Variants in DNAAF11 observed in about 807,000 individuals in gnomAD.
DNAAF11 encodes the protein dynein axonemal assembly factor 11.
A neutral mutation model predicts 60.8 loss-of-function variants in DNAAF11; 45 were observed. That is an observed-to-expected ratio of 0.74 (90% CI 0.58 to 0.95). DNAAF11 has a LOEUF of 0.95. Among genes scored for constraint, DNAAF11 ranks in the 40% least tolerant of loss-of-function variants. DNAAF11 has a pLI of 0.00. For synonymous variants in DNAAF11, 191 were observed against 183.5 expected, an observed-to-expected ratio of 1.04 and a Z score of -0.33; for missense variants, 546 against 546.2, an observed-to-expected ratio of 1.00 and a Z score of 0.00.
intron 5 of DNAAF11, among the ~76,000 whole-genome samples, chr8:132,627,321 T>C (rs1820375602): frequency 6.6e-6 from 1 of 152,188 alleles, no homozygotes; most frequent in African/African-American, 2.4e-5. Context: ...AAGAAATTTA[T>C]CAGAGATATG....
the DNAAF11 span, among the ~76,000 whole-genome samples, chr8:132,700,327 T>C: frequency 9.9e-5 from 15 of 152,084 alleles, no homozygotes; most frequent in African/African-American, 3.4e-4. Flanking sequence ...CTCAATCCCC[T>C]GGACTTGGTC....
intron 10 of DNAAF11, among the ~76,000 whole-genome samples, chr8:132,606,148 G>C (rs1818110414): frequency 6.6e-6 from 1 of 152,078 alleles, no homozygotes; most frequent in Admixed American, 6.5e-5. Context: ...TGGTGATCCT[G>C]GCATAAACAA....
intron 11 of DNAAF11, among the ~76,000 whole-genome samples, chr8:132,578,044 T>C (rs1814940508): frequency 6.6e-6 from 1 of 152,142 alleles, no homozygotes. Context: ...TCATTATAAA[T>C]AAAGCCCTAC....
chr8:132,596,801 C>A (rs1484363245), intron 10 of DNAAF11, among the ~76,000 whole-genome samples: 2 of 152,126 alleles, frequency 1.3e-5, no homozygotes, highest in Non-Finnish European at 2.9e-5. Context: ...CTCCTGTTGC[C>A]CCCTGTAAGG....
chr8:132,595,348 G>GAAAAAAAAAAAAAAAAAAAAAAAAAA (rs71306394), intron 10 of DNAAF11, among the ~76,000 whole-genome samples: 1 of 57,412 alleles, frequency 1.7e-5, no homozygotes, highest in African/African-American at 1.1e-4. Context: ...AGACAGAGGG[G>GAAAAAAAAAAAAAAAAAAAAAAAAAA]AAAAAAAAAA....
Position 132,579,643 on chromosome 8 carries a change from G to A in DNAAF11, c.1226+4051C>T, listed in dbSNP as rs79051520. 1.0e-2 allele frequency among the ~76,000 whole-genome samples: 1,515 copies of A among 152,218 alleles called. 30 individuals carry two copies. Among genetic ancestry groups the A allele is most frequent in the African/African-American group, 0.034 (1,419 of 41,526 alleles). The stretch of plus-strand genomic sequence containing the variant: ...GTCAACTACAACTAAGAAAGTGGGG[G>A]GAAAGGGTTGGTCCAAGGTCACTCA... On this transcript the variant is annotated intron_variant, in intron 11 of 11. Transcript: ENST00000620350.
chr8:132,608,368 A>ATG (rs1461258736), intron 10 of DNAAF11: 4 of 348,032 alleles, frequency 1.1e-5, no homozygotes, highest in Non-Finnish European at 2.3e-5. Context: ...CCATATATAT[A>ATG]TAAATTATTT....
chr8:132,588,973 T>C (rs939509936), intron 10 of DNAAF11, among the ~76,000 whole-genome samples: 2 of 152,044 alleles, frequency 1.3e-5, no homozygotes, highest in Non-Finnish European at 2.9e-5. Flanking sequence ...GCTAAACCAT[T>C]AGAAACTGCC....
chr8:132,597,502 T>C (rs919365853), intron 10 of DNAAF11, among the ~76,000 whole-genome samples: 5 of 152,172 alleles, frequency 3.3e-5, no homozygotes, highest in African/African-American at 1.2e-4. Flanking sequence ...ATCTACTATA[T>C]GTTTATTTTG....
At chr8:132,603,279 T>C (rs960374855) in intron 10 of DNAAF11, among the ~76,000 whole-genome samples, 9 of 152,170 alleles carry the variant, frequency 5.9e-5, no homozygotes, top group East Asian at 5.8e-4. Context: ...GATGGTAGTA[T>C]GTAGGAAGGA....
chr8:132,667,415 TAAGTA>T (rs985559065), intron 1 of DNAAF11, among the ~76,000 whole-genome samples: 1 of 152,150 alleles, frequency 6.6e-6, no homozygotes, highest in Non-Finnish European at 1.5e-5. Flanking sequence ...CTTCTATAAA[TAAGTA>T]AAGAAATAAA....
chr8:132,622,624 C>T lies in DNAAF11; in HGVS notation c.901G>A (p.Val301Met), dbSNP rs1180254935. Residue 301 changes from valine (V) to methionine (M), a missense_variant, in exon 7 of 12, where the codon GTG becomes ATG. Transcript: ENST00000620350. ...LITEDGKALN[V>M]NEPKIDFSLK... is the part of the protein sequence containing the mutation. ...GGCCTCACATACTTGGGCTCATTCA[C>T]ATTTAGGGCTTTCCCATCTTCAGTG... The T allele has an allele frequency of 5.6e-6, 9 of 1,613,602 alleles. No homozygotes were observed. The East Asian group carries it at 2.0e-4, about 36-fold the overall frequency.
intron 1 of DNAAF11, among the ~76,000 whole-genome samples, chr8:132,667,993 C>T (rs961527153): frequency 6.6e-6 from 1 of 152,088 alleles, no homozygotes; most frequent in African/African-American, 2.4e-5. Context: ...TTGTAAACAA[C>T]TCTTTTTTTC....
At chr8:132,593,494 C>A (rs1200857193) in intron 10 of DNAAF11, among the ~76,000 whole-genome samples, 2 of 150,958 alleles carry the variant, frequency 1.3e-5, no homozygotes, top group African/African-American at 2.4e-5. Flanking sequence ...GATGTCAGGT[C>A]TTCCCAGATT....
chr8:132,670,782 C>T (rs1825115794), intron 1 of DNAAF11, among the ~76,000 whole-genome samples: 1 of 152,068 alleles, frequency 6.6e-6, no homozygotes, highest in South Asian at 2.1e-4. Flanking sequence ...GGGGAGTTAT[C>T]CAATGTATAC....
chr8:132,639,068 G>C (rs774709697), intron 3 of DNAAF11, among the ~76,000 whole-genome samples: 16 of 152,196 alleles, frequency 1.1e-4, no homozygotes, highest in Non-Finnish European at 2.1e-4. Flanking sequence ...CATAATGCTT[G>C]CCACCTAGAG....
chr8:132,685,210 C>A, the DNAAF11 span: 3 of 152,160 alleles, frequency 2.0e-5, no homozygotes, highest in Admixed American at 6.5e-5. Context: ...TGTTAGAACA[C>A]CTGGGTCCAG....
At chr8:132,592,186 C>T (rs1816535141) in intron 10 of DNAAF11, among the ~76,000 whole-genome samples, 1 of 152,090 alleles carries the variant, frequency 6.6e-6, no homozygotes, top group Admixed American at 6.6e-5. Context: ...TTTCAGGGAG[C>T]TTATGGTTTA....
chr8:132,687,505 C>A, the DNAAF11 span: 1 of 418,834 alleles, frequency 2.4e-6, no homozygotes, highest in South Asian at 1.7e-5. Flanking sequence ...GCAAGGGTTG[C>A]CTCATCTCAT....
Sources: allele counts gnomAD v4.1 joint callset (sites outside exome capture counted in the v4.1 genomes callset), GRCh38; gene constraint gnomAD v4.1.1; transcripts MANE v1.5; gene names NCBI Gene and HGNC (gene_info 2026-07-23, HGNC 2026-07-21).